LAMA3: variants seen among roughly 807,000 people sequenced by gnomAD.
The protein encoded by LAMA3 is laminin subunit alpha 3.
A neutral mutation model predicts 402.0 loss-of-function variants in LAMA3; 281 were observed. That is an observed-to-expected ratio of 0.70 (90% CI 0.63 to 0.77). The LOEUF (loss-of-function observed/expected upper bound fraction) is 0.77, where lower values mean the gene tolerates loss of function less well. LAMA3 is among the 30% of genes least tolerant of loss of function. The probability of loss-of-function intolerance (pLI) is 0.00; values close to 1 mark genes in which losing one functional copy is unlikely to be tolerated. For synonymous variants in LAMA3, 1,431 were observed against 1,558.4 expected, an observed-to-expected ratio of 0.92 and a Z score of 1.93; for missense variants, 3,840 against 4,215.5, an observed-to-expected ratio of 0.91 and a Z score of 2.47.
At chr18:23,913,825 A>G (rs2081516411) in intron 56 of LAMA3, among the ~76,000 whole-genome samples, 1 of 152,230 alleles carries the variant, frequency 6.6e-6, no homozygotes, top group African/African-American at 2.4e-5. Flanking sequence ...ACTATGTGTC[A>G]CATTCTGGCT....
At chr18:23,769,726 G>C (rs1007406885) in intron 8 of LAMA3, among the ~76,000 whole-genome samples, 3 of 152,146 alleles carry the variant, frequency 2.0e-5, no homozygotes, top group Non-Finnish European at 2.9e-5. Context: ...GGGGCAAGCA[G>C]AAAATAGATA....
Position 23,736,391 on chromosome 18 carries a change from A to G in LAMA3, c.448-11552A>G, listed in dbSNP as rs544735894. 2.0e-5 allele frequency among the ~76,000 whole-genome samples: 3 copies of G among 151,266 alleles called. No homozygotes were observed. The South Asian group carries it at 6.4e-4, about 32-fold the overall frequency. On this transcript the variant is annotated intron_variant, in intron 2 of 74. Transcript: ENST00000313654. ...TTGATGACTATAGGGTGGTATTTGT[A>G]TGGTCAATTAGTGAGACTATCTTTC...
At chr18:23,872,535 C>T (rs555335697) in intron 38 of LAMA3, among the ~76,000 whole-genome samples, 1 of 152,216 alleles carries the variant, frequency 6.6e-6, no homozygotes, top group African/African-American at 2.4e-5. Context: ...CCCTGGTAGC[C>T]GAAAACCCCA....
At chr18:23,838,750 T>A (rs764962775) in intron 25 of LAMA3, 31 bp from the exon 26 acceptor site, 4 of 1,267,410 alleles carry the variant, frequency 3.2e-6, no homozygotes, top group Non-Finnish European at 4.6e-6. Flanking sequence ...GTAACTGCAA[T>A]GTGCCTTTGT....
At chr18:23,771,150 C>T (rs756667058) in intron 8 of LAMA3, among the ~76,000 whole-genome samples, 1 of 152,162 alleles carries the variant, frequency 6.6e-6, no homozygotes, top group Non-Finnish European at 1.5e-5. Context: ...CTAGAAATAG[C>T]CCAGGTGACC....
intron 40 of LAMA3, 112 bp from the exon 41 acceptor site, chr18:23,884,661 G>C: frequency 1.0e-6 from 1 of 993,138 alleles, no homozygotes; most frequent in Non-Finnish European, 1.6e-6. Context: ...AAAGTAACCA[G>C]ACCCTGGGTT....
chr18:23,742,299 C>T (rs1022786694), intron 2 of LAMA3, among the ~76,000 whole-genome samples: 5 of 152,252 alleles, frequency 3.3e-5, no homozygotes, highest in Admixed American at 2.0e-4. Context: ...AAGGACAAAA[C>T]ATGTTGGGGG....
chr18:23,882,622 A>T (rs1027264388), intron 40 of LAMA3, among the ~76,000 whole-genome samples: 2 of 152,064 alleles, frequency 1.3e-5, no homozygotes, highest in East Asian at 3.9e-4. Flanking sequence ...AAAAAAAAAA[A>T]AAAGAAAACA....
chr18:23,906,149 C>T (rs1157262018), intron 52 of LAMA3, among the ~76,000 whole-genome samples: 3 of 152,166 alleles, frequency 2.0e-5, no homozygotes, highest in African/African-American at 7.2e-5. Context: ...CTATCATGTA[C>T]AAAATTAACT....
chr18:23,898,818 G>T lies in LAMA3; in HGVS notation c.5694G>T (p.Leu1898Phe). The stretch of plus-strand genomic sequence containing the variant: ...GCCTGGAAAGAGAACTGACTGATTT[G>T]AATCAAGAATTTGAGACTTTGCAAG... ...IEGLERELTD[L>F]NQEFETLQEK... The change falls in exon 45 of 75, where the codon TTG (leucine) becomes TTT (phenylalanine). Residue 1898 changes from leucine (L) to phenylalanine (F), a missense_variant. Physicochemically the swap from Leu to Phe is conservative, Grantham distance 22 (BLOSUM62 0). This residue lies in a region of LAMA3 where 891 missense variants were observed against 857.5 expected (regional missense o/e 1.04). Coordinates refer to ENST00000313654, the MANE Select transcript of LAMA3 (RefSeq NM_198129.4). 6.2e-7 allele frequency: 1 copy of T among 1,611,372 alleles called. No individual in the cohort carries two copies. Among genetic ancestry groups the T allele is most frequent in the South Asian group, 1.1e-5 (1 of 91,018 alleles).
intron 49 of LAMA3, 27 bp downstream of exon 49, chr18:23,903,152 A>G (rs1321992052): frequency 3.0e-6 from 4 of 1,346,742 alleles, no homozygotes; most frequent in Non-Finnish European, 1.1e-6. Context: ...TTCTCTAGAA[A>G]AATCTAAAAA....
intron 10 of LAMA3, among the ~76,000 whole-genome samples, chr18:23,776,351 A>G (rs1253493494): frequency 6.6e-6 from 1 of 152,200 alleles, no homozygotes; most frequent in African/African-American, 2.4e-5. Context: ...ATAAGCACCC[A>G]GACTCCACCC....
intron 21 of LAMA3, among the ~76,000 whole-genome samples, chr18:23,826,055 C>T (rs1598868584): frequency 6.6e-6 from 1 of 152,202 alleles, no homozygotes; most frequent in Non-Finnish European, 1.5e-5. Context: ...TTGCCCTCCC[C>T]TCTTCCCTCT....
At chr18:23,858,010 C>T in intron 33 of LAMA3, 22 bp downstream of exon 33, 1 of 1,614,062 alleles carries the variant, frequency 6.2e-7, no homozygotes, top group Non-Finnish European at 8.5e-7. Context: ...CGTGCAATGC[C>T]AGACAACAGC....
chr18:23,753,876 G>GT (rs2061795924), intron 6 of LAMA3, 64 bp downstream of exon 6: 18 of 1,061,472 alleles, frequency 1.7e-5, no homozygotes, highest in Admixed American at 1.3e-4. Context: ...TTCAGTGGAT[G>GT]TTTGCATCCC....
chr18:23,817,211 G>T (rs920691382), intron 18 of LAMA3, among the ~76,000 whole-genome samples: 2 of 152,140 alleles, frequency 1.3e-5, no homozygotes, highest in Non-Finnish European at 2.9e-5. Flanking sequence ...AGGAACTATG[G>T]TATTGTTCCA....
intron 62 of LAMA3, 24 bp from the exon 63 acceptor site, chr18:23,928,099 C>G: frequency 6.6e-7 from 1 of 1,510,362 alleles, no homozygotes; most frequent in Non-Finnish European, 9.2e-7. Flanking sequence ...TCCATCTCTT[C>G]CTTTTATCTG....
rs1344062987 is a variant in LAMA3 at position 23,758,502 on chromosome 18, G to A, written c.1054G>A (p.Glu352Lys). 2 of 1,613,528 alleles carry A rather than the reference G, an allele frequency of 1.2e-6. No individual in the cohort carries two copies. Among genetic ancestry groups the A allele is most frequent in the Non-Finnish European group, 8.5e-7 (1 of 1,179,718 alleles). ...WRPAAWEQSH[E>K]CEACNCHGHA... ...GCCCGCCGCTTGGGAGCAGAGCCACGAGTGTGAAGGTGGGTGTGGGGATGG... is the reference window on the plus strand; with the variant it reads ...GCCCGCCGCTTGGGAGCAGAGCCACAAGTGTGAAGGTGGGTGTGGGGATGG... Residue 352 changes from glutamate to lysine, a missense_variant, in exon 7 of 75, where the codon GAG becomes AAG. Glu to Lys is a moderately conservative substitution (Grantham distance 56). Transcript: ENST00000313654.
At chr18:23,853,475 G>A (rs1362545844) in intron 32 of LAMA3, among the ~76,000 whole-genome samples, 1 of 152,114 alleles carries the variant, frequency 6.6e-6, no homozygotes, top group Non-Finnish European at 1.5e-5. Context: ...GTTTCTCCAT[G>A]TTGGTCAGGC....
Sources: allele counts gnomAD v4.1 joint callset (sites outside exome capture counted in the v4.1 genomes callset), GRCh38; gene constraint gnomAD v4.1.1; regional missense constraint gnomAD v4.1.1; transcripts MANE v1.5; gene names NCBI Gene and HGNC (gene_info 2026-07-23, HGNC 2026-07-21).